The following RIN2 variants were observed in gnomAD, a reference collection of about 807,000 sequenced individuals.
RIN2 encodes RAB5 interacting protein 2.
In RIN2, 36 loss-of-function variants were observed where a neutral mutation model predicts 78.0. The ratio of observed to expected loss-of-function variants is 0.46; its 90% CI spans 0.35 to 0.61. The LOEUF is 0.61. Among genes scored for constraint, RIN2 ranks in the 20% least tolerant of loss-of-function variants. The pLI is 0.00. For missense variants in RIN2, 1,087 were observed against 1,159.7 expected (o/e 0.94, Z 0.91); for synonymous variants, 466 against 466.8 (o/e 1.00, Z 0.02).
intron 3 of RIN2, among the ~76,000 whole-genome samples, chr20:19,907,028 C>T (rs931307897): frequency 1.3e-5 from 2 of 152,130 alleles, no homozygotes; most frequent in Admixed American, 6.5e-5. Context: ...GTTGAGGGGA[C>T]TGCATTTTGC....
Position 19,823,980 on chromosome 20 carries a change from G to A in RIN2, c.-37+24233G>A, listed in dbSNP as rs2122927999. ...CTGGTGTCGGATGAACCCGGATTCAGGACGACCGAAGAAAGTTGCACCTTG... is the reference window on the plus strand; with the variant it reads ...CTGGTGTCGGATGAACCCGGATTCAAGACGACCGAAGAAAGTTGCACCTTG... On this transcript the variant is annotated intron_variant, in intron 2 of 12. Transcript: ENST00000255006. 8 of 1,313,736 alleles carry A rather than the reference G, an allele frequency of 6.1e-6. No homozygotes were observed. In the East Asian group the frequency reaches 2.0e-4, roughly 32 times the overall value. The allele number at this position is 1,313,736 out of a possible 1,614,324, so 81.4% of individuals were successfully genotyped here.
intron 11 of RIN2, among the ~76,000 whole-genome samples, chr20:19,992,620 A>C (rs1323058641): frequency 6.6e-6 from 1 of 152,238 alleles, no homozygotes; most frequent in East Asian, 1.9e-4. Flanking sequence ...CTCGTGGTAG[A>C]AAATTTGGAA....
intron 1 of RIN2, among the ~76,000 whole-genome samples, chr20:19,782,003 C>T (rs759945653): frequency 2.0e-5 from 3 of 152,028 alleles, no homozygotes; most frequent in Non-Finnish European, 2.9e-5. Context: ...TTAAGTTAAG[C>T]GCTAATTGAA....
chr20:19,799,193 G>T (rs1379796379), intron 1 of RIN2, among the ~76,000 whole-genome samples: 1 of 152,124 alleles, frequency 6.6e-6, no homozygotes, highest in Non-Finnish European at 1.5e-5. Context: ...CAGTCACTGT[G>T]CCTGGAGATA....
intron 1 of RIN2, among the ~76,000 whole-genome samples, chr20:19,782,737 C>T (rs1283922321): frequency 2.6e-5 from 4 of 152,262 alleles, no homozygotes; most frequent in African/African-American, 9.6e-5. Context: ...ATGAACCAAA[C>T]TCATCAGCTT....
intron 2 of RIN2, among the ~76,000 whole-genome samples, chr20:19,804,385 T>C (rs150170277): frequency 0.011 from 1,623 of 152,316 alleles, 40 homozygotes; most frequent in African/African-American, 0.037. Flanking sequence ...AATACCTAGT[T>C]TATTGAGAGT....
intron 2 of RIN2, among the ~76,000 whole-genome samples, chr20:19,887,344 T>A (rs1177588262): frequency 6.6e-6 from 1 of 152,170 alleles, no homozygotes; most frequent in African/African-American, 2.4e-5. Flanking sequence ...CCAAGGACTT[T>A]ATTTTTTAAA....
intron 2 of RIN2, among the ~76,000 whole-genome samples, chr20:19,848,236 A>C (rs2036846522): frequency 6.6e-6 from 1 of 152,138 alleles, no homozygotes; most frequent in African/African-American, 2.4e-5. Flanking sequence ...AAGTTGACTT[A>C]AAAAGAGCAG....
chr20:19,923,122 C>T (rs1437817033), intron 3 of RIN2, among the ~76,000 whole-genome samples: 3 of 152,098 alleles, frequency 2.0e-5, no homozygotes, highest in Non-Finnish European at 4.4e-5. Flanking sequence ...CTTTTAAATA[C>T]TAAGTTGGCC....
In RIN2 at chr20:19,996,781, T is replaced by C. The variant is rs774415263; in HGVS notation, c.2303T>C (p.Leu768Pro). The change falls in exon 12 of 13, where the codon CTG (leucine) becomes CCG (proline). Residue 768 changes from leucine (L) to proline (P), a missense_variant. Around this residue, in one of 8 missense-constraint regions of RIN2, gnomAD observed 160 missense variants for 179.4 expected, o/e 0.89. Transcript: ENST00000255006. ...RLLSSETRDTLRQWHKRRTTN... is the reference protein window; with the variant it reads ...RLLSSETRDTPRQWHKRRTTN... ...CTCAGCTCAGAAACCAGAGACACCC[T>C]GAGGCAGTGGCACAAACGGAGAACC... 1.2e-6 allele frequency: 2 copies of C among 1,612,070 alleles called. No homozygotes were observed. Among genetic ancestry groups the C allele is most frequent in the Non-Finnish European group, 1.7e-6 (2 of 1,179,028 alleles).
At chr20:19,912,305 A>G (rs990312844) in intron 3 of RIN2, among the ~76,000 whole-genome samples, 11 of 151,538 alleles carry the variant, frequency 7.3e-5, no homozygotes, top group African/African-American at 2.7e-4. Flanking sequence ...TGCTCTCACC[A>G]CCCCAGAACC....
At chr20:19,856,494 C>G (rs1337905477) in intron 2 of RIN2, among the ~76,000 whole-genome samples, 1 of 147,554 alleles carries the variant, frequency 6.8e-6, no homozygotes, top group Non-Finnish European at 1.5e-5. Context: ...GATCATGTCA[C>G]TGTACTCCAG....
chr20:19,941,393 G>A (rs1390483297), intron 4 of RIN2, among the ~76,000 whole-genome samples: 1 of 152,174 alleles, frequency 6.6e-6, no homozygotes, highest in Non-Finnish European at 1.5e-5. Flanking sequence ...TCTCAAGAGG[G>A]ACAGTTGTGA....
intron 2 of RIN2, among the ~76,000 whole-genome samples, chr20:19,879,974 C>T (rs1166572617): frequency 6.6e-6 from 1 of 151,992 alleles, no homozygotes; most frequent in Admixed American, 6.6e-5. Flanking sequence ...TTTTCCAGAC[C>T]GGTTGCAGTG....
chr20:19,857,173 A>G (rs2037194218), intron 2 of RIN2, among the ~76,000 whole-genome samples: 1 of 152,102 alleles, frequency 6.6e-6, no homozygotes. Context: ...TTCTATTAAT[A>G]GCAATGTAGA....
intron 1 of RIN2, among the ~76,000 whole-genome samples, chr20:19,779,852 C>T (rs73120301): frequency 0.072 from 10,932 of 152,094 alleles, 677 homozygotes; most frequent in African/African-American, 0.17. Flanking sequence ...TTTGTGCCTC[C>T]GGGGAAAGAA....
In RIN2 at chr20:19,851,026, G is replaced by A. The variant is rs1194911872; in HGVS notation, c.-36-38540G>A. Among the ~76,000 whole-genome samples, 174 of 109,410 alleles carry A rather than the reference G, an allele frequency of 1.6e-3. 1 individual carries two copies. Among genetic ancestry groups the A allele is most frequent in the African/African-American group, 6.0e-3 (157 of 26,380 alleles). 71.8% of individuals were successfully genotyped at this position (109,410 alleles called of 152,430 possible). The stretch of plus-strand genomic sequence containing the variant: ...GGAAGGAAGGAAGGAAGGAAGGAAG[G>A]AAGGAAGGAAGGAAGGAAGGAAGGA... On this transcript the variant is annotated intron_variant, in intron 2 of 12. Coordinates refer to ENST00000255006, the MANE Select transcript of RIN2 (RefSeq NM_018993.4).
chr20:19,876,982 A>G (rs933435751), intron 2 of RIN2, among the ~76,000 whole-genome samples: 1 of 152,108 alleles, frequency 6.6e-6, no homozygotes, highest in African/African-American at 2.4e-5. Context: ...TTTTACAGCC[A>G]GACCCACCCA....
intron 4 of RIN2, among the ~76,000 whole-genome samples, chr20:19,938,935 C>T (rs2040755497): frequency 1.3e-5 from 2 of 152,216 alleles, no homozygotes; most frequent in Admixed American, 6.5e-5. Flanking sequence ...GGGTCTTCCC[C>T]GTCCCAGTCA....
Sources: gnomAD v4.1 joint callset for allele counts (sites outside exome capture counted in the v4.1 genomes callset) on GRCh38, gnomAD v4.1.1 for gene constraint, gnomAD v4.1.1 regional missense constraint, MANE v1.5 for transcripts, NCBI Gene and HGNC (gene_info 2026-07-23, HGNC 2026-07-21) for gene names.